The following DRC11 variants were observed in gnomAD, a reference collection of about 807,000 sequenced individuals.
DRC11 encodes the protein dynein regulatory complex subunit 11, also known as IQ and AAA domain-containing protein 1.
the DRC11 span, chr2:236,380,446 A>G: frequency 5.3e-6 from 4 of 753,922 alleles, no homozygotes; most frequent in Non-Finnish European, 6.6e-6. This position sits in a 1 kb window ranked among gnomAD's most constrained non-coding sequence, Gnocchi z 4.9. Flanking sequence ...GGTGGCTCCC[A>G]CCACTCCGGG....
At chr2:236,474,992 C>A in the DRC11 span, among the ~76,000 whole-genome samples, 1 of 152,108 alleles carries the variant, frequency 6.6e-6, no homozygotes, top group East Asian at 1.9e-4. Flanking sequence ...TCAAATCCTA[C>A]TCTTTTAGCT....
At chr2:236,339,835 T>C in the DRC11 span, among the ~76,000 whole-genome samples, 2 of 152,234 alleles carry the variant, frequency 1.3e-5, no homozygotes, top group South Asian at 2.1e-4. Context: ...AATTGGGACA[T>C]GTGAGTCCCC....
the DRC11 span, among the ~76,000 whole-genome samples, chr2:236,444,920 A>C: frequency 2.6e-5 from 4 of 152,164 alleles, no homozygotes; most frequent in African/African-American, 9.7e-5. Context: ...GCCAGTGTGG[A>C]TATTGGGCCC....
At chr2:236,368,223 A>T in the DRC11 span, 13 of 1,610,446 alleles carry the variant, frequency 8.1e-6, no homozygotes, top group African/African-American at 1.3e-4. Context: ...CAATGTGATG[A>T]GCTGTCTGAC....
the DRC11 span, among the ~76,000 whole-genome samples, chr2:236,349,020 C>T: frequency 6.6e-6 from 1 of 152,114 alleles, no homozygotes; most frequent in African/African-American, 2.4e-5. The surrounding 1 kb of genome is among the most constrained non-coding windows in gnomAD (Gnocchi z 5.5). Context: ...CTGCCTCCTG[C>T]CCGTTCCCTG....
the DRC11 span, among the ~76,000 whole-genome samples, chr2:236,407,343 C>T: frequency 6.6e-6 from 1 of 152,206 alleles, no homozygotes; most frequent in Non-Finnish European, 1.5e-5. Flanking sequence ...ACATTTCTCA[C>T]ATGGGCCATG....
At chr2:236,318,177 C>T in the DRC11 span, among the ~76,000 whole-genome samples, 2 of 142,280 alleles carry the variant, frequency 1.4e-5, no homozygotes, top group Non-Finnish European at 1.5e-5. This position sits in a 1 kb window ranked among gnomAD's most constrained non-coding sequence, Gnocchi z 7.0. Context: ...GTGTCTGCGT[C>T]AGCCTTTCCT....
chr2:236,307,722 C>G, the DRC11 span, among the ~76,000 whole-genome samples: 1 of 152,152 alleles, frequency 6.6e-6, no homozygotes, highest in African/African-American at 2.4e-5. This position sits in a 1 kb window ranked among gnomAD's most constrained non-coding sequence, Gnocchi z 7.0. Context: ...GTTCATCCCA[C>G]CGGTGTTGAG....
At chr2:236,357,684 AATATGTAAATATCTG>A in the DRC11 span, among the ~76,000 whole-genome samples, 3 of 88,258 alleles carry the variant, frequency 3.4e-5, no homozygotes, top group East Asian at 2.4e-4. Context: ...ATATATTTAC[AATATGTAAATATCTG>A]ATATGTAAAT....
At chr2:236,377,838 A>G in the DRC11 span, among the ~76,000 whole-genome samples, 1 of 152,224 alleles carries the variant, frequency 6.6e-6, no homozygotes, top group Non-Finnish European at 1.5e-5. This position sits in a 1 kb window ranked among gnomAD's most constrained non-coding sequence, Gnocchi z 4.9. Flanking sequence ...AAAAAAATGG[A>G]CATAGTATCC....
At chr2:236,452,116 C>G in the DRC11 span, among the ~76,000 whole-genome samples, 1 of 152,136 alleles carries the variant, frequency 6.6e-6, no homozygotes, top group Non-Finnish European at 1.5e-5. This position sits in a 1 kb window ranked among gnomAD's most constrained non-coding sequence, Gnocchi z 4.7. Flanking sequence ...TTTGCAAAAG[C>G]TGGATAAGAG....
At chr2:236,431,994 T>C in the DRC11 span, among the ~76,000 whole-genome samples, 1 of 152,236 alleles carries the variant, frequency 6.6e-6, no homozygotes, top group Non-Finnish European at 1.5e-5. The surrounding 1 kb of genome is among the most constrained non-coding windows in gnomAD (Gnocchi z 4.2). Flanking sequence ...TGTTTAACTT[T>C]TTAAGAAATT....
At chr2:236,321,157 T>C in the DRC11 span, among the ~76,000 whole-genome samples, 1 of 152,192 alleles carries the variant, frequency 6.6e-6, no homozygotes, top group African/African-American at 2.4e-5. Flanking sequence ...CATACTTTTA[T>C]TTATTTATTT....
chr2:236,475,582 T>C, the DRC11 span, among the ~76,000 whole-genome samples: 1 of 152,218 alleles, frequency 6.6e-6, no homozygotes, highest in Admixed American at 6.5e-5. The surrounding 1 kb of genome is among the most constrained non-coding windows in gnomAD (Gnocchi z 4.8). Flanking sequence ...TCTATCAGCC[T>C]AATAGTTCTA....
chr2:236,350,854 G>A, the DRC11 span, among the ~76,000 whole-genome samples: 2 of 152,182 alleles, frequency 1.3e-5, no homozygotes, highest in East Asian at 3.9e-4. The surrounding 1 kb of genome is among the most constrained non-coding windows in gnomAD (Gnocchi z 5.2). Context: ...GGAAGCTGAG[G>A]GGCCTGCTGG....
the DRC11 span, among the ~76,000 whole-genome samples, chr2:236,313,945 C>T: frequency 6.6e-6 from 1 of 152,104 alleles, no homozygotes; most frequent in Non-Finnish European, 1.5e-5. The surrounding 1 kb of genome is among the most constrained non-coding windows in gnomAD (Gnocchi z 4.5). Context: ...TAGAACTGGG[C>T]AGCATGAGAG....
chr2:236,406,697 A>G, the DRC11 span, among the ~76,000 whole-genome samples: 1 of 152,264 alleles, frequency 6.6e-6, no homozygotes. The surrounding 1 kb of genome is among the most constrained non-coding windows in gnomAD (Gnocchi z 4.7). Context: ...TGCACCAAAC[A>G]ACGTGATAGC....
chr2:236,356,134 C>A, the DRC11 span, among the ~76,000 whole-genome samples: 3 of 152,248 alleles, frequency 2.0e-5, no homozygotes, highest in Non-Finnish European at 4.4e-5. Flanking sequence ...CCCTCAGGGG[C>A]CAGGTCACCA....
the DRC11 span, among the ~76,000 whole-genome samples, chr2:236,396,240 C>T: frequency 7.8e-6 from 1 of 128,036 alleles, no homozygotes; most frequent in Non-Finnish European, 1.5e-5. Context: ...GAGCTTTTAT[C>T]CTAAGAATGT....
Sources: allele counts gnomAD v4.1 joint callset (sites outside exome capture counted in the v4.1 genomes callset), GRCh38; gene constraint gnomAD v4.1.1; non-coding constraint Gnocchi (gnomAD v3.1); transcripts MANE v1.5; gene names NCBI Gene and HGNC (gene_info 2026-07-23, HGNC 2026-07-21).